The following RANBP2 variants were observed in gnomAD, a reference collection of about 807,000 sequenced individuals.
RANBP2 encodes RAN binding protein 2.
RANBP2 carries 57 observed loss-of-function variants against 303.6 expected under a neutral mutation model. That is an observed-to-expected ratio of 0.19 (90% confidence interval 0.15 to 0.23). RANBP2 has a LOEUF of 0.23. Ranked by LOEUF, RANBP2 falls within the 10% of genes least tolerant of loss-of-function variation. The probability of loss-of-function intolerance (pLI) is 1.00; values close to 1 mark genes in which losing one functional copy is unlikely to be tolerated. For synonymous variants in RANBP2, 1,167 were observed against 1,301.5 expected (o/e 0.90, Z 2.23); for missense variants, 3,138 against 3,780.8 (o/e 0.83, Z 4.46).
chr2:109,611,160 G>C, the RANBP2 span, among the ~76,000 whole-genome samples: 1 of 152,152 alleles, frequency 6.6e-6, no homozygotes, highest in African/African-American at 2.4e-5. Flanking sequence ...CTCAACTTAA[G>C]TCTGACACCT....
At chr2:109,667,886 G>T in the RANBP2 span, 1 of 57,048 alleles carries the variant, frequency 1.8e-5, no homozygotes. Context: ...CACTCCTCAA[G>T]CAGAAGGAGA....
At chr2:109,701,081 G>A in the RANBP2 span, among the ~76,000 whole-genome samples, 1 of 152,198 alleles carries the variant, frequency 6.6e-6, no homozygotes, top group African/African-American at 2.4e-5. Context: ...TCCAGGCTCA[G>A]CCTTGCCGCT....
chr2:109,552,885 T>A, the RANBP2 span: 44 of 544,762 alleles, frequency 8.1e-5, no homozygotes, highest in South Asian at 5.5e-4. Flanking sequence ...TGTACTGCTT[T>A]AAAAAAAAAG....
At chr2:108,828,557 C>T in the RANBP2 span, among the ~76,000 whole-genome samples, 1 of 152,106 alleles carries the variant, frequency 6.6e-6, no homozygotes, top group South Asian at 2.1e-4. Context: ...ACATATAGTC[C>T]AATGATTTTT....
chr2:108,847,678 T>C, the RANBP2 span, among the ~76,000 whole-genome samples: 1 of 152,236 alleles, frequency 6.6e-6, no homozygotes, highest in Non-Finnish European at 1.5e-5. Context: ...AGGCAATAAA[T>C]ATACCATCTT....
the RANBP2 span, among the ~76,000 whole-genome samples, chr2:109,253,722 G>A: frequency 6.6e-6 from 1 of 152,112 alleles, no homozygotes. Context: ...AATAGAACAG[G>A]TGGTTATTAA....
At chr2:109,596,601 C>G in the RANBP2 span, among the ~76,000 whole-genome samples, 3 of 149,456 alleles carry the variant, frequency 2.0e-5, no homozygotes, top group African/African-American at 7.4e-5. Flanking sequence ...TGGCAGACAG[C>G]GAGACTCCAT....
the RANBP2 span, among the ~76,000 whole-genome samples, chr2:109,451,376 G>C: frequency 6.6e-6 from 1 of 152,170 alleles, no homozygotes; most frequent in Admixed American, 6.5e-5. Context: ...TCCTTCTTCT[G>C]AGCTGCTCAG....
chr2:108,824,615 CTG>C, the RANBP2 span, among the ~76,000 whole-genome samples: 213 of 152,250 alleles, frequency 1.4e-3, 1 homozygote, highest in Non-Finnish European at 2.7e-3. Flanking sequence ...AAAAAAATAA[CTG>C]TAAGGAGTAC....
At chr2:109,220,204 G>A in the RANBP2 span, among the ~76,000 whole-genome samples, 9 of 152,138 alleles carry the variant, frequency 5.9e-5, no homozygotes, top group African/African-American at 2.2e-4. Flanking sequence ...AAATGGTGCT[G>A]GGAAAACTGG....
chr2:108,794,110 C>T, the RANBP2 span, among the ~76,000 whole-genome samples: 2 of 151,944 alleles, frequency 1.3e-5, no homozygotes, highest in East Asian at 3.9e-4. Flanking sequence ...ATATAAAAGG[C>T]AAAACAAGCA....
the RANBP2 span, among the ~76,000 whole-genome samples, chr2:109,501,057 A>T: frequency 6.6e-6 from 1 of 152,214 alleles, no homozygotes; most frequent in East Asian, 1.9e-4. Context: ...TGCTTTTCAG[A>T]GGAACCTGCA....
chr2:108,774,940 A>G (rs1284817763), intron 23 of RANBP2, among the ~76,000 whole-genome samples: 2 of 151,856 alleles, frequency 1.3e-5, no homozygotes, highest in African/African-American at 4.8e-5. Flanking sequence ...GTTCCTCCTG[A>G]CTTGGCCTCC....
chr2:109,596,761 C>T, the RANBP2 span, among the ~76,000 whole-genome samples: 1 of 152,028 alleles, frequency 6.6e-6, no homozygotes, highest in East Asian at 1.9e-4. Flanking sequence ...TGTTTCTGAA[C>T]ATTGGCCAAA....
chr2:109,696,099 G>A, the RANBP2 span, among the ~76,000 whole-genome samples: 1 of 152,020 alleles, frequency 6.6e-6, no homozygotes, highest in Non-Finnish European at 1.5e-5. Flanking sequence ...AAGTAGCTGC[G>A]ATTACAGGCA....
chr2:108,830,180 T>G, the RANBP2 span, among the ~76,000 whole-genome samples: 5 of 152,194 alleles, frequency 3.3e-5, no homozygotes, highest in Admixed American at 1.3e-4. Context: ...GAGATGATTC[T>G]GCTTCCGTGC....
the RANBP2 span, among the ~76,000 whole-genome samples, chr2:109,263,324 G>T: frequency 6.6e-6 from 1 of 152,168 alleles, no homozygotes; most frequent in African/African-American, 2.4e-5. Context: ...TATAAGGTGG[G>T]TAGATCAACT....
At chr2:109,432,886 T>C in the RANBP2 span, among the ~76,000 whole-genome samples, 12,237 of 152,320 alleles carry the variant, frequency 0.08, 513 homozygotes, top group South Asian at 0.1. Context: ...TCAGCAGACA[T>C]TGGCCACCAA....
chr2:109,382,348 C>T, the RANBP2 span, among the ~76,000 whole-genome samples: 3 of 152,142 alleles, frequency 2.0e-5, no homozygotes, highest in African/African-American at 7.2e-5. Context: ...GGAGAGTCTG[C>T]TGCAGTGGGG....
Sources: gnomAD v4.1 joint callset for allele counts (sites outside exome capture counted in the v4.1 genomes callset) on GRCh38, gnomAD v4.1.1 for gene constraint, MANE v1.5 for transcripts, NCBI Gene and HGNC (gene_info 2026-07-23, HGNC 2026-07-21) for gene names.